Variants in TTLL11 observed in about 807,000 individuals in gnomAD.
TTLL11 encodes tubulin tyrosine ligase like 11.
TTLL11 carries 42 observed loss-of-function variants against 51.7 expected under a neutral mutation model. The ratio of observed to expected loss-of-function variants is 0.81; its 90% CI spans 0.64 to 1.05. TTLL11 has a LOEUF of 1.05. TTLL11 is among the 50% of genes least tolerant of loss of function. The pLI is 0.00. For synonymous variants in TTLL11, 381 were observed against 383.5 expected, an observed-to-expected ratio of 0.99 and a Z score of 0.08; for missense variants, 799 against 940.4, an observed-to-expected ratio of 0.85 and a Z score of 1.97.
chr9:121,828,928 G>A (rs1457597601), intron 8 of TTLL11, among the ~76,000 whole-genome samples: 2 of 151,834 alleles, frequency 1.3e-5, no homozygotes, highest in Admixed American at 1.3e-4. Flanking sequence ...TCACACCACA[G>A]CACTCCCGCC....
At chr9:121,855,876 C>T (rs564911151) in intron 8 of TTLL11, among the ~76,000 whole-genome samples, 37 of 152,342 alleles carry the variant, frequency 2.4e-4, no homozygotes, top group African/African-American at 7.5e-4. Flanking sequence ...CAGCATGCTA[C>T]GTGCCTTGTA....
chr9:121,883,815 T>C (rs1428160250), intron 6 of TTLL11, among the ~76,000 whole-genome samples: 3 of 152,170 alleles, frequency 2.0e-5, no homozygotes, highest in Admixed American at 6.5e-5. Flanking sequence ...CTAGAGAGAC[T>C]GTGTAAGTTC....
At chr9:121,826,217 T>TAC (rs1491163835) in intron 8 of TTLL11, among the ~76,000 whole-genome samples, 1,132 of 58,066 alleles carry the variant, frequency 0.019, 97 homozygotes, top group East Asian at 0.029. Flanking sequence ...TATATATATA[T>TAC]GCACACATAT....
At chr9:122,080,419 C>A (rs964353467) in intron 1 of TTLL11, among the ~76,000 whole-genome samples, 1 of 152,010 alleles carries the variant, frequency 6.6e-6, no homozygotes, top group Non-Finnish European at 1.5e-5. Flanking sequence ...TGCAGTGACG[C>A]ACACCTGTAA....
intron 1 of TTLL11, among the ~76,000 whole-genome samples, chr9:122,079,948 T>A (rs1322052711): frequency 6.6e-6 from 1 of 151,784 alleles, no homozygotes; most frequent in Non-Finnish European, 1.5e-5. Flanking sequence ...GGCAACATAG[T>A]GAGACACCAC....
In TTLL11 at chr9:121,895,437, CTG is replaced by C. The variant is rs564513619; in HGVS notation, c.1482-24691_1482-24690del. The stretch of plus-strand genomic sequence containing the variant: ...GCATGAGTGTGCGCTGCGTGTGTGT[CTG>C]TGCACGTTTGTGTGGTTGTGTAAAT... On this transcript the variant is annotated intron_variant, in intron 6 of 8. Transcript: ENST00000321582. Among the ~76,000 whole-genome samples, 225 of 150,416 alleles carry C rather than the reference CTG, an allele frequency of 1.5e-3. 1 individual carries two copies. The highest frequency in any genetic ancestry group is 2.5e-3 in the Non-Finnish European group (168 of 67,618).
At chr9:121,977,821 C>G (rs570878345) in intron 4 of TTLL11, among the ~76,000 whole-genome samples, 1 of 151,864 alleles carries the variant, frequency 6.6e-6, no homozygotes, top group East Asian at 1.9e-4. Context: ...ATTACAGACA[C>G]GTGCCCCCAT....
intron 6 of TTLL11, among the ~76,000 whole-genome samples, chr9:121,960,756 C>G (rs1459783536): frequency 6.6e-6 from 1 of 152,146 alleles, no homozygotes; most frequent in Non-Finnish European, 1.5e-5. Context: ...AAATGATCCT[C>G]TCTAAGTAAA....
chr9:121,868,155 T>G (rs909455391), intron 7 of TTLL11, among the ~76,000 whole-genome samples: 12 of 152,234 alleles, frequency 7.9e-5, no homozygotes, highest in Admixed American at 7.8e-4. Context: ...AGATGTCTTA[T>G]GCTGAGAGAA....
At chr9:121,899,355 A>ATG (rs141125928) in intron 6 of TTLL11, among the ~76,000 whole-genome samples, 50,599 of 138,646 alleles carry the variant, frequency 0.36, 9,469 homozygotes, top group South Asian at 0.52. Flanking sequence ...GTGTGTGTGT[A>ATG]TGTGTGTGTG....
rs557798276 is a variant in TTLL11, at chr9:121,950,213, A to C, written c.1481+23796T>G. 2.1e-3 allele frequency among the ~76,000 whole-genome samples: 316 copies of C among 152,122 alleles called. 1 individual carries two copies. Among genetic ancestry groups the C allele is most frequent in the African/African-American group, 7.2e-3 (300 of 41,486 alleles). On this transcript the variant is annotated intron_variant, in intron 6 of 8. Coordinates refer to ENST00000321582, the MANE Select transcript of TTLL11 (RefSeq NM_001139442.2). ...TCCTAGGCGCTCTGCACCCCGTATCACCGCACTCCTCAAATGATGTTGGGA... is the reference window on the plus strand; with the variant it reads ...TCCTAGGCGCTCTGCACCCCGTATCCCCGCACTCCTCAAATGATGTTGGGA...
intron 1 of TTLL11, among the ~76,000 whole-genome samples, chr9:122,047,462 G>A (rs1156801877): frequency 6.6e-6 from 1 of 152,180 alleles, no homozygotes; most frequent in African/African-American, 2.4e-5. Flanking sequence ...GTGGAGATGA[G>A]ACTTCAGCAG....
At chr9:121,834,553 G>A (rs114449915) in intron 8 of TTLL11, among the ~76,000 whole-genome samples, 1,986 of 151,836 alleles carry the variant, frequency 0.013, 51 homozygotes, top group African/African-American at 0.046. Flanking sequence ...CACAGGCCAG[G>A]CGCGGTGGCT....
rs1240345976 is a variant in TTLL11, at chr9:121,989,428, A to C, written c.1036T>G (p.Ser346Ala). ...HRIFMHLTNY[S>A]LNIHSGNFIH... ...AAGTTGCCGCTGTGGATGTTCAGTG[A>C]ATAGTTGGTTAAGTGCATAAAGATG... Residue 346 changes from serine to alanine, a missense_variant, in exon 4 of 9, where the codon TCA (serine) becomes GCA (alanine). Physicochemically the swap from Ser to Ala is moderately conservative, Grantham distance 99. Transcript: ENST00000321582. The surrounding 1 kb of genome is among the most constrained non-coding windows in gnomAD (Gnocchi z 4.2). 6.2e-6 allele frequency: 10 copies of C among 1,613,964 alleles called. No homozygotes were observed. The African/African-American group carries it at 1.3e-4, about 22-fold the overall frequency.
intron 6 of TTLL11, among the ~76,000 whole-genome samples, chr9:121,943,147 G>A (rs2131585460): frequency 6.6e-6 from 1 of 152,300 alleles, no homozygotes; most frequent in African/African-American, 2.4e-5. Context: ...GAATTAACAA[G>A]TTACTTAAGT....
intron 1 of TTLL11, among the ~76,000 whole-genome samples, chr9:122,047,541 G>A (rs943673687): frequency 6.6e-6 from 1 of 151,962 alleles, no homozygotes; most frequent in Admixed American, 6.6e-5. Context: ...AGAAGAGAAT[G>A]AACCCAGCGA....
chr9:122,055,442 T>C (rs767446242), intron 1 of TTLL11, among the ~76,000 whole-genome samples: 8 of 152,212 alleles, frequency 5.3e-5, no homozygotes, highest in Non-Finnish European at 1.0e-4. Flanking sequence ...CACATCTTTC[T>C]GCCTGCTTTA....
intron 6 of TTLL11, among the ~76,000 whole-genome samples, chr9:121,876,936 A>G (rs1838586958): frequency 6.6e-6 from 1 of 152,220 alleles, no homozygotes. Context: ...AGGTGAAAGA[A>G]AGTGAGACCT....
intron 6 of TTLL11, among the ~76,000 whole-genome samples, chr9:121,883,961 T>G (rs565735393): frequency 3.5e-4 from 53 of 152,332 alleles, no homozygotes; most frequent in African/African-American, 1.1e-3. Flanking sequence ...TTACTGAGCA[T>G]CAGTTTCCTC....
Sources: gnomAD v4.1 joint callset for allele counts (sites outside exome capture counted in the v4.1 genomes callset) on GRCh38, gnomAD v4.1.1 for gene constraint, Gnocchi (gnomAD v3.1) non-coding constraint, MANE v1.5 for transcripts, NCBI Gene and HGNC (gene_info 2026-07-23, HGNC 2026-07-21) for gene names.